Variants in VPS8 observed in about 807,000 individuals in gnomAD.
The protein encoded by VPS8 is vacuolar protein sorting-associated protein 8 homolog.
In VPS8, 129 loss-of-function variants were observed where a neutral mutation model predicts 216.4. The ratio of observed to expected loss-of-function variants is 0.60; its 90% CI spans 0.52 to 0.69. The LOEUF is 0.69. Ranked by LOEUF, VPS8 falls within the 30% of genes least tolerant of loss-of-function variation. The pLI is 0.00. For synonymous variants in VPS8, 571 were observed against 565.4 expected (o/e 1.01, Z -0.14); for missense variants, 1,531 against 1,683.5 (o/e 0.91, Z 1.59).
rs142918246 is a variant in VPS8, at chr3:184,835,492, C to T, written c.447+750C>T. 9.9e-5 allele frequency among the ~76,000 whole-genome samples: 15 copies of T among 152,140 alleles called. No homozygotes were observed. The South Asian group carries it at 2.7e-3, about 27-fold the overall frequency. ...ATGGTCCATAGACAGCAGAACTTTT[C>T]GTTTGACACTATCAGACTTTTCTTT... On this transcript the variant is annotated intron_variant, in intron 5 of 47. Transcript: ENST00000625842.
Position 184,824,577 on chromosome 3 carries a change from C to CA in VPS8, c.-53dup. The CA allele has an allele frequency of 6.4e-7, 1 of 1,559,202 alleles. No homozygotes were observed. The highest frequency in any genetic ancestry group is 8.7e-7 in the Non-Finnish European group (1 of 1,149,126). ...CATTCAGGTCTTCGTGAGCTAAGGC[C>CA]AAACAAACAAAAAACACTTGCTTTG... On this transcript the variant is annotated 5_prime_UTR_variant, in exon 2 of 48. Transcript: ENST00000625842.
At chr3:184,911,428 G>A (rs1336441742) in intron 25 of VPS8, among the ~76,000 whole-genome samples, 7 of 152,192 alleles carry the variant, frequency 4.6e-5, no homozygotes, top group Non-Finnish European at 1.0e-4. Flanking sequence ...TCAATTTAGA[G>A]GTTTATTTTA....
chr3:185,019,389 G>A (rs902287478), intron 45 of VPS8, among the ~76,000 whole-genome samples: 1 of 152,090 alleles, frequency 6.6e-6, no homozygotes, highest in Non-Finnish European at 1.5e-5. Context: ...GTGTGGAGTG[G>A]AAAATCAGGA....
chr3:184,984,272 A>G (rs534658306), intron 42 of VPS8, among the ~76,000 whole-genome samples: 39 of 148,670 alleles, frequency 2.6e-4, no homozygotes, highest in Non-Finnish European at 5.4e-4. Context: ...TTGTCATTAC[A>G]TGGTATACTA....
In VPS8 at chr3:184,892,419, G is replaced by T. The variant is rs1330762579; in HGVS notation, c.1782-2284G>T. ...TTTAGTAGAGACGGGGTTTCCCCAGGTTGGCCAGGCTGGTGTCAAACTCCT... is the reference window on the plus strand; with the variant it reads ...TTTAGTAGAGACGGGGTTTCCCCAGTTTGGCCAGGCTGGTGTCAAACTCCT... On this transcript the variant is annotated intron_variant, in intron 22 of 47. Coordinates refer to ENST00000625842, the MANE Select transcript of VPS8 (RefSeq NM_001009921.3). 2.6e-5 allele frequency among the ~76,000 whole-genome samples: 4 copies of T among 152,214 alleles called. No homozygotes were observed. The East Asian group carries it at 5.8e-4, about 22-fold the overall frequency.
chr3:185,024,455 A>G, intron 46 of VPS8, 66 bp downstream of exon 46: 1 of 1,451,902 alleles, frequency 6.9e-7, no homozygotes. Flanking sequence ...TATGTGGAAC[A>G]ATATTCTCAA....
At chr3:184,927,723 A>T (rs1445496432) in intron 31 of VPS8, among the ~76,000 whole-genome samples, 1 of 152,154 alleles carries the variant, frequency 6.6e-6, no homozygotes, top group Non-Finnish European at 1.5e-5. Context: ...CAATTAAATC[A>T]TAACTCCCAC....
chr3:184,847,605 G>A (rs1723381949), intron 8 of VPS8, among the ~76,000 whole-genome samples: 1 of 152,172 alleles, frequency 6.6e-6, no homozygotes, highest in African/African-American at 2.4e-5. Flanking sequence ...AAAACTCCAA[G>A]TTGTGGAAAT....
rs189717456 is a variant in VPS8 at position 184,882,399 on chromosome 3, C to T, written c.1735-3711C>T. 38 of 454,896 alleles carry T rather than the reference C, an allele frequency of 8.4e-5. No individual in the cohort carries two copies. The East Asian group carries it at 2.4e-3, about 29-fold the overall frequency. 28.2% of individuals were successfully genotyped at this position (454,896 alleles called of 1,614,324 possible). A position where few individuals can be genotyped will look rare whatever the true frequency, so the allele number is the denominator to read the frequency against. ...ATTGGTTTTTGAATATTGAACCAGT[C>T]TTGCATCCTGGAATAAACCTCACTT... is the stretch of plus-strand genomic sequence containing the variant. On this transcript the variant is annotated intron_variant, in intron 21 of 47. Transcript: ENST00000625842.
At chr3:184,895,044 C>G (rs572559148) in intron 23 of VPS8, 119 bp downstream of exon 23, 7 of 812,966 alleles carry the variant, frequency 8.6e-6, no homozygotes, top group South Asian at 2.0e-5. Context: ...TTATTGAGCA[C>G]TTTTTGTAAG....
At chr3:184,910,711 C>A (rs1372221053) in intron 25 of VPS8, among the ~76,000 whole-genome samples, 1 of 152,158 alleles carries the variant, frequency 6.6e-6, no homozygotes, top group African/African-American at 2.4e-5. Flanking sequence ...TTTCTGATCG[C>A]CGCCGTGCCA....
At chr3:184,817,245 G>A (rs1297703055) in intron 1 of VPS8, 1 of 133,844 alleles carries the variant, frequency 7.5e-6, no homozygotes, top group Admixed American at 7.6e-5. Context: ...TCTTGCTTGG[G>A]TATTTACCTA....
intron 42 of VPS8, among the ~76,000 whole-genome samples, chr3:184,985,436 G>A (rs1050415598): frequency 1.3e-5 from 2 of 152,124 alleles, no homozygotes; most frequent in Non-Finnish European, 2.9e-5. Flanking sequence ...GAAAGGCATA[G>A]TTCTGAACCC....
intron 4 of VPS8, among the ~76,000 whole-genome samples, chr3:184,833,999 A>G (rs1156347506): frequency 6.6e-6 from 1 of 152,194 alleles, no homozygotes; most frequent in African/African-American, 2.4e-5. Flanking sequence ...GCATACTTCT[A>G]GTGATACAAA....
At position 184,849,361 on chromosome 3, in the gene VPS8, A is replaced by T. The variant is rs914381699; in HGVS notation, c.666+166A>T. ...AGTTTTGTCTTGTTCAAAATTTTAC[A>T]TAATTGTTATCGACTGACCCAGAGT... On this transcript the variant is annotated intron_variant, in intron 9 of 47. Transcript: ENST00000625842. 2.0e-5 allele frequency: 15 copies of T among 753,010 alleles called. No homozygotes were observed. The African/African-American group carries it at 2.3e-4, about 12-fold the overall frequency. The allele number at this position is 753,010 out of a possible 1,614,324, so 46.6% of individuals were successfully genotyped here.
chr3:184,972,900 G>A (rs1056290584), intron 40 of VPS8, among the ~76,000 whole-genome samples: 8 of 152,170 alleles, frequency 5.3e-5, no homozygotes, highest in African/African-American at 1.7e-4. Flanking sequence ...CTAATGCCTG[G>A]GTTTTTGAAA....
chr3:184,901,795 C>A (rs1734535233), intron 25 of VPS8, among the ~76,000 whole-genome samples: 1 of 152,010 alleles, frequency 6.6e-6, no homozygotes, highest in African/African-American at 2.4e-5. Context: ...ATTTTCTTGG[C>A]CAAATACCTA....
intron 21 of VPS8, among the ~76,000 whole-genome samples, chr3:184,880,870 G>C (rs1730146671): frequency 6.6e-6 from 1 of 152,082 alleles, no homozygotes; most frequent in Non-Finnish European, 1.5e-5. Flanking sequence ...GGTGCATAAT[G>C]GTATCTCATT....
intron 46 of VPS8, among the ~76,000 whole-genome samples, chr3:185,033,784 G>T (rs904869746): frequency 6.6e-6 from 1 of 152,190 alleles, no homozygotes; most frequent in Non-Finnish European, 1.5e-5. Flanking sequence ...CCAGCATTTG[G>T]TGTTGTGGTG....
Sources: allele counts gnomAD v4.1 joint callset (sites outside exome capture counted in the v4.1 genomes callset), GRCh38; gene constraint gnomAD v4.1.1; transcripts MANE v1.5; gene names NCBI Gene and HGNC (gene_info 2026-07-23, HGNC 2026-07-21).